Variants in TEX15 observed in about 807,000 individuals in gnomAD.
TEX15 encodes the protein testis-expressed protein 15.
In TEX15, 171 loss-of-function variants were observed where a neutral mutation model predicts 237.3. That is an observed-to-expected ratio of 0.72 (90% CI 0.64 to 0.82). The LOEUF (loss-of-function observed/expected upper bound fraction) is 0.82. Ranked by LOEUF, TEX15 falls within the 40% of genes least tolerant of loss-of-function variation. The probability of loss-of-function intolerance (pLI) is 0.00; values close to 1 mark genes in which losing one functional copy is unlikely to be tolerated. For synonymous variants in TEX15, 1,338 were observed against 1,269.8 expected (o/e 1.05, Z -1.14); for missense variants, 3,750 against 3,646.5 (o/e 1.03, Z -0.73).
intron 1 of TEX15, among the ~76,000 whole-genome samples, chr8:30,910,983 A>G (rs1201811586): frequency 2.6e-5 from 4 of 152,216 alleles, no homozygotes; most frequent in Admixed American, 2.6e-4. Context: ...CCTTAACTTC[A>G]ACTGTTAAAA....
chr8:30,844,387 TCC>T lies in TEX15; in HGVS notation c.5778_5779del (p.Glu1927AsnfsTer2), dbSNP rs1407166043. 1.2e-6 allele frequency: 2 copies of T among 1,610,112 alleles called. No individual in the cohort carries two copies. The highest frequency in any genetic ancestry group is 1.7e-6 in the Non-Finnish European group (2 of 1,178,502). On this transcript the variant is annotated frameshift_variant, in exon 8 of 11. Coordinates refer to ENST00000643185, the MANE Select transcript of TEX15 (RefSeq NM_001350162.2). LOFTEE classifies it high-confidence loss of function. ...CTGCGAGTCTTTACTAACTTTAATT[TCC>T]CCCTTCTTCTCTCTTTTGTTAAGCG...
At position 30,837,646 on chromosome 8, in the gene TEX15, T is replaced by A. The variant is rs758605539; in HGVS notation, c.8638A>T (p.Asn2880Tyr). Reference protein sequence around the residue: ...PTQKSCLSDINPETDVSLVPD... With the variant: ...PTQKSCLSDIYPETDVSLVPD... ...ACAAGAGAAACATCAGTTTCTGGGT[T>A]TATATCAGAAAGGCAGGATTTTTGG... The change falls in exon 10 of 11, where the codon AAC (asparagine) becomes TAC (tyrosine). Residue 2880 changes from asparagine to tyrosine, a missense_variant. By Grantham distance (143) the Asn-to-Tyr change is moderately radical (BLOSUM62 -2). Transcript: ENST00000643185. 4.0e-5 allele frequency: 65 copies of A among 1,613,974 alleles called. 1 individual carries two copies. The South Asian group carries it at 7.0e-4, about 17-fold the overall frequency.
intron 2 of TEX15, among the ~76,000 whole-genome samples, chr8:30,889,954 C>CACATATATATATATATATACATAT (rs1554502343): frequency 2.7e-5 from 3 of 110,086 alleles, no homozygotes; most frequent in African/African-American, 1.3e-4. Context: ...TATATATATA[C>CACATATATATATATATATACATAT]ATATATATAT....
intron 4 of TEX15, among the ~76,000 whole-genome samples, chr8:30,871,715 C>A (rs1031478398): frequency 6.6e-6 from 1 of 152,118 alleles, no homozygotes; most frequent in Non-Finnish European, 1.5e-5. Flanking sequence ...AAAGCACTTT[C>A]AATCCACCTC....
intron 9 of TEX15, among the ~76,000 whole-genome samples, chr8:30,838,730 A>T (rs1442332280): frequency 6.8e-6 from 1 of 146,408 alleles, no homozygotes; most frequent in Admixed American, 6.8e-5. Context: ...ATATACACAC[A>T]CACATACACA....
In TEX15 at chr8:30,867,404, T is replaced by C; in HGVS notation, c.401A>G (p.Asn134Ser). 1 of 1,534,084 alleles carries C rather than the reference T, an allele frequency of 6.5e-7. No individual in the cohort carries two copies. Among genetic ancestry groups the C allele is most frequent in the Non-Finnish European group, 8.7e-7 (1 of 1,145,320 alleles). Residue 134 changes from asparagine to serine, a missense_variant, in exon 5 of 11, where the codon AAT becomes AGT. Transcript: ENST00000643185. ...PQSDVAQIYQ[N>S]GISTRASTLK... Reference sequence around the variant, plus strand: ...TGTAGATGCTCTGGTACTTATTCCATTCTGATATATCTGGGCTACATCACT... The same window carrying C: ...TGTAGATGCTCTGGTACTTATTCCACTCTGATATATCTGGGCTACATCACT...
chr8:30,863,968 A>T (rs1808104181), intron 5 of TEX15, among the ~76,000 whole-genome samples: 1 of 152,158 alleles, frequency 6.6e-6, no homozygotes, highest in Non-Finnish European at 1.5e-5. Context: ...AGGAAAAAAA[A>T]AACAGAAATT....
rs546112231 is a variant in TEX15, at chr8:30,842,016, A to G, written c.8151T>C (p.Cys2717=). ...AAAACATACATACCTTTAGCTTTTT[A>G]CAACTGGAAACAGTAGTATCTTGCT... ...EQQQDTTVSS[C]KKLKVDMKDV... is the part of the protein sequence containing the mutation. The change falls in exon 8 of 11, where the codon TGT becomes TGC. Residue 2717 remains cysteine, a synonymous_variant. Transcript: ENST00000643185. 2 of 1,576,276 alleles carry G rather than the reference A, an allele frequency of 1.3e-6. No homozygotes were observed. Among genetic ancestry groups the G allele is most frequent in the South Asian group, 2.4e-5 (2 of 83,086 alleles).
At chr8:30,900,479 G>A (rs1186453612) in intron 1 of TEX15, among the ~76,000 whole-genome samples, 1 of 152,172 alleles carries the variant, frequency 6.6e-6, no homozygotes, top group African/African-American at 2.4e-5. Flanking sequence ...GAAAACTGAT[G>A]ACTGATGACA....
chr8:30,886,368 C>G (rs1395688663), intron 3 of TEX15, among the ~76,000 whole-genome samples: 1 of 152,208 alleles, frequency 6.6e-6, no homozygotes, highest in Non-Finnish European at 1.5e-5. Context: ...ATGGTCCCCA[C>G]TCATCCTCCA....
rs1361111226 is a variant in TEX15 at position 30,844,472 on chromosome 8, G to A, written c.5695C>T (p.Leu1899=). ...TCAGTGGTAGTATTTTTAGTGCTCA[G>A]ATGGGAATCAATCAAGTTAGTTGTA... is the stretch of plus-strand genomic sequence containing the variant. ...IITTNLIDSH[L]STKNTTTESV... is the part of the protein sequence containing the mutation. Residue 1899 remains leucine, a synonymous_variant, in exon 8 of 11, where the codon CTG becomes TTG. Coordinates refer to ENST00000643185, the MANE Select transcript of TEX15 (RefSeq NM_001350162.2). 5 of 1,613,242 alleles carry A rather than the reference G, an allele frequency of 3.1e-6. No homozygotes were observed. The highest frequency in any genetic ancestry group is 1.7e-5 in the Admixed American group (1 of 59,978).
At position 30,858,777 on chromosome 8, in the gene TEX15, T is replaced by G. The variant is rs1807971196; in HGVS notation, c.741A>C (p.Gln247His). ...VLSKPVDKPR[Q>H]CLPYAVVTVK... The stretch of plus-strand genomic sequence containing the variant: ...CTGTTACTACAGCATATGGAAGACA[T>G]TGCCTAGGTTTATCTACAGGCTTTG... The change falls in exon 7 of 11, where the codon CAA (glutamine) becomes CAC (histidine). Residue 247 changes from glutamine to histidine, a missense_variant. Physicochemically the swap from Gln to His is conservative, Grantham distance 24. Coordinates refer to ENST00000643185, the MANE Select transcript of TEX15 (RefSeq NM_001350162.2). 5.9e-6 allele frequency: 9 copies of G among 1,535,724 alleles called. No individual in the cohort carries two copies. The highest frequency in any genetic ancestry group is 2.0e-5 in the Admixed American group (1 of 50,980).
chr8:30,880,962 C>T (rs1808506951), intron 3 of TEX15, among the ~76,000 whole-genome samples: 1 of 151,942 alleles, frequency 6.6e-6, no homozygotes, highest in Admixed American at 6.6e-5. Context: ...TCCATGCAGA[C>T]CATCATGTTC....
chr8:30,889,063 C>T (rs923818056), intron 2 of TEX15, among the ~76,000 whole-genome samples: 14 of 152,132 alleles, frequency 9.2e-5, no homozygotes, highest in Admixed American at 5.2e-4. Flanking sequence ...AAAACATCTT[C>T]GATTAATCAT....
In TEX15 at chr8:30,847,161, G is replaced by T; in HGVS notation, c.3006C>A (p.His1002Gln). The change falls in exon 8 of 11, where the codon CAC (histidine) becomes CAA (glutamine). Residue 1002 changes from histidine to glutamine, a missense_variant. Physicochemically the swap from His to Gln is conservative, Grantham distance 24. Transcript: ENST00000643185. ...MPALSLNNDDHQIYQFKETCS... is the reference protein window; with the variant it reads ...MPALSLNNDDQQIYQFKETCS... Reference sequence around the variant, plus strand: ...AAGTTTCTTTAAACTGGTATATCTGGTGATCGTCATTATTTAGGCTTAATG... The same window carrying T: ...AAGTTTCTTTAAACTGGTATATCTGTTGATCGTCATTATTTAGGCTTAATG... The T allele has an allele frequency of 1.9e-6, 3 of 1,613,824 alleles. No individual in the cohort carries two copies. Among genetic ancestry groups the T allele is most frequent in the Non-Finnish European group, 2.5e-6 (3 of 1,179,838 alleles).
intron 2 of TEX15, among the ~76,000 whole-genome samples, chr8:30,889,954 C>CATATAT: frequency 1.4e-4 from 15 of 110,072 alleles, no homozygotes; most frequent in African/African-American, 6.3e-4. Context: ...TATATATATA[C>CATATAT]ATATATATAT....
chr8:30,904,252 G>C (rs980202378), intron 1 of TEX15, among the ~76,000 whole-genome samples: 1 of 152,128 alleles, frequency 6.6e-6, no homozygotes, highest in African/African-American at 2.4e-5. Flanking sequence ...TTTGAGACCA[G>C]CCTGGCCAAC....
At position 30,838,399 on chromosome 8, in the gene TEX15, C is replaced by T. The variant is rs1807359875; in HGVS notation, c.8223-338G>A. ...TCAGTATAGTTTTTTAATTCATATG[C>T]CTCCTGCCTGATGATCTTCATTACT... On this transcript the variant is annotated intron_variant, in intron 9 of 10. Transcript: ENST00000643185. 1.3e-5 allele frequency among the ~76,000 whole-genome samples: 2 copies of T among 151,890 alleles called. 1 individual carries two copies. Among genetic ancestry groups the T allele is most frequent in the South Asian group, 4.2e-4 (2 of 4,802 alleles).
chr8:30,842,115 T>A lies in TEX15; in HGVS notation c.8052A>T (p.Ile2684=), dbSNP rs149845753. 14 of 1,613,718 alleles carry A rather than the reference T, an allele frequency of 8.7e-6. No homozygotes were observed. The East Asian group carries it at 2.9e-4, about 33-fold the overall frequency. The change falls in exon 8 of 11, where the codon ATA becomes ATT. Residue 2684 remains isoleucine (I), a synonymous_variant. Transcript: ENST00000643185. ...STMLPPVSEC[I]NKNISNSSKK... Reference sequence around the variant, plus strand: ...TAGAGGAATTTGAGATGTTTTTGTTTATGCACTCTGATACTGGGGGCAACA... The same window carrying A: ...TAGAGGAATTTGAGATGTTTTTGTTAATGCACTCTGATACTGGGGGCAACA...
Sources: gnomAD v4.1 joint callset for allele counts (sites outside exome capture counted in the v4.1 genomes callset) on GRCh38, gnomAD v4.1.1 for gene constraint, MANE v1.5 for transcripts, NCBI Gene and HGNC (gene_info 2026-07-23, HGNC 2026-07-21) for gene names.